Variants in ARHGAP28 observed in about 807,000 individuals in gnomAD.
ARHGAP28 encodes Rho GTPase activating protein 28, also known as rho GTPase-activating protein 28.
Under a neutral mutation model 90.7 loss-of-function variants are expected in ARHGAP28, and 56 were observed. The ratio of observed to expected loss-of-function variants is 0.62; its 90% CI spans 0.50 to 0.77. The LOEUF (loss-of-function observed/expected upper bound fraction) is 0.77. ARHGAP28 is among the 30% of genes least tolerant of loss of function. The pLI is 0.00. For synonymous variants in ARHGAP28, 308 were observed against 323.3 expected (o/e 0.95, Z 0.51); for missense variants, 869 against 900.9 (o/e 0.96, Z 0.45).
At chr18:6,866,031 G>A (rs538976747) in intron 5 of ARHGAP28, among the ~76,000 whole-genome samples, 56 of 152,230 alleles carry the variant, frequency 3.7e-4, no homozygotes, top group African/African-American at 1.1e-3. Flanking sequence ...GATGCTAGTC[G>A]TAATATAATC....
intron 4 of ARHGAP28, among the ~76,000 whole-genome samples, chr18:6,853,704 A>G (rs57140639): frequency 0.039 from 5,952 of 152,046 alleles, 296 homozygotes; most frequent in East Asian, 0.27. Flanking sequence ...CAAACTCCTG[A>G]CCTTAGGTGA....
intron 3 of ARHGAP28, among the ~76,000 whole-genome samples, chr18:6,849,798 C>T (rs2056895304): frequency 6.6e-6 from 1 of 152,112 alleles, no homozygotes. Context: ...TGTTGGAGAA[C>T]TGAATATCAT....
At chr18:6,802,210 A>G (rs575246887) in intron 1 of ARHGAP28, among the ~76,000 whole-genome samples, 1 of 152,294 alleles carries the variant, frequency 6.6e-6, no homozygotes, top group East Asian at 1.9e-4. Flanking sequence ...TTGTGCTACA[A>G]TAAACATGAA....
At chr18:6,897,874 A>T (rs978948565) in intron 16 of ARHGAP28, 3 of 150,330 alleles carry the variant, frequency 2.0e-5, no homozygotes, top group Non-Finnish European at 4.5e-5. Context: ...CTGACCCTCT[A>T]TAAAATTCTA....
chr18:6,741,422 TG>T (rs753169045), intron 1 of ARHGAP28, among the ~76,000 whole-genome samples: 109 of 152,200 alleles, frequency 7.2e-4, no homozygotes, highest in Non-Finnish European at 1.3e-3. Flanking sequence ...TTCCAGCTTC[TG>T]GAGGCATGGA....
intron 1 of ARHGAP28, among the ~76,000 whole-genome samples, chr18:6,811,917 A>T (rs2056559938): frequency 6.6e-6 from 1 of 152,194 alleles, no homozygotes; most frequent in South Asian, 2.1e-4. Flanking sequence ...CAACTATATG[A>T]TTCCAAAAGT....
intron 1 of ARHGAP28, among the ~76,000 whole-genome samples, chr18:6,821,053 A>G (rs574173585): frequency 5.4e-4 from 82 of 152,316 alleles, no homozygotes; most frequent in African/African-American, 1.9e-3. Flanking sequence ...AATAATAACT[A>G]TTGGGGGATG....
intron 1 of ARHGAP28, among the ~76,000 whole-genome samples, chr18:6,747,752 A>G (rs1048812263): frequency 2.6e-5 from 4 of 152,228 alleles, no homozygotes; most frequent in African/African-American, 4.8e-5. Context: ...GCTACTAATC[A>G]TAAACATATG....
At chr18:6,744,255 A>G (rs1600145206) in intron 1 of ARHGAP28, among the ~76,000 whole-genome samples, 1 of 152,136 alleles carries the variant, frequency 6.6e-6, no homozygotes, top group Admixed American at 6.5e-5. Context: ...GCAGCATGTA[A>G]CCACAGATGC....
chr18:6,756,295 C>A (rs1015761970), intron 1 of ARHGAP28, among the ~76,000 whole-genome samples: 1 of 152,082 alleles, frequency 6.6e-6, no homozygotes, highest in African/African-American at 2.4e-5. Flanking sequence ...GTCCTCTTTC[C>A]CTTCCCTCTC....
intron 16 of ARHGAP28, among the ~76,000 whole-genome samples, chr18:6,908,125 GTTTTA>G (rs55928161): frequency 4.1e-3 from 612 of 149,484 alleles, no homozygotes; most frequent in African/African-American, 9.9e-3. Context: ...ATTTTATTTT[GTTTTA>G]TTTTATTTTA....
At chr18:6,870,254 T>TTAATATCA (rs1475140983) in intron 6 of ARHGAP28, among the ~76,000 whole-genome samples, 2 of 152,222 alleles carry the variant, frequency 1.3e-5, no homozygotes, top group Non-Finnish European at 2.9e-5. Flanking sequence ...GAGCTTAATT[T>TTAATATCA]TAATATCATA....
intron 16 of ARHGAP28, chr18:6,898,739 A>C: frequency 7.7e-7 from 1 of 1,293,588 alleles, no homozygotes; most frequent in Non-Finnish European, 9.8e-7. Context: ...AGAGAGACTC[A>C]AATCTTTTAT....
intron 1 of ARHGAP28, among the ~76,000 whole-genome samples, chr18:6,759,333 T>G (rs190576911): frequency 6.1e-4 from 93 of 152,326 alleles, no homozygotes; most frequent in African/African-American, 1.9e-3. Flanking sequence ...AAATTCTGCT[T>G]TTCACTTAGA....
chr18:6,861,784 C>T (rs572631932), intron 5 of ARHGAP28, among the ~76,000 whole-genome samples: 27 of 152,134 alleles, frequency 1.8e-4, no homozygotes, highest in Non-Finnish European at 3.1e-4. Flanking sequence ...CGAATTTCTT[C>T]GCATCGTTGG....
At chr18:6,817,653 G>A (rs1465925972) in intron 1 of ARHGAP28, among the ~76,000 whole-genome samples, 1 of 152,168 alleles carries the variant, frequency 6.6e-6, no homozygotes, top group African/African-American at 2.4e-5. Flanking sequence ...TAATATCAAG[G>A]CCAATTGCTA....
At chr18:6,875,534 G>T (rs1567978718) in intron 9 of ARHGAP28, among the ~76,000 whole-genome samples, 1 of 152,180 alleles carries the variant, frequency 6.6e-6, no homozygotes, top group Non-Finnish European at 1.5e-5. Context: ...CTCCTTAGCA[G>T]TAGAATAGGG....
intron 1 of ARHGAP28, among the ~76,000 whole-genome samples, chr18:6,766,545 AC>A (rs2056201314): frequency 6.6e-6 from 1 of 152,058 alleles, no homozygotes; most frequent in Admixed American, 6.6e-5. Context: ...ACAGCGTGGT[AC>A]TAAACGGGGC....
At position 6,732,161 on chromosome 18, in the gene ARHGAP28, AT is replaced by A. The variant is rs796703521; in HGVS notation, c.122+2224del. Among the ~76,000 whole-genome samples the A allele has an allele frequency of 1.1e-3, 161 of 150,756 alleles. 2 individuals are homozygous for A. Among genetic ancestry groups the A allele is most frequent in the African/African-American group, 3.8e-3 (155 of 41,006 alleles). The stretch of plus-strand genomic sequence containing the variant: ...GAATATAGTATCTTTCTATTTGGTC[AT>A]TTTTTCCACTATTATATCCCTAGAG... On this transcript the variant is annotated intron_variant, in intron 1 of 17. Coordinates refer to ENST00000383472, the MANE Select transcript of ARHGAP28 (RefSeq NM_001366230.1).
Sources: gnomAD v4.1 joint callset for allele counts (sites outside exome capture counted in the v4.1 genomes callset) on GRCh38, gnomAD v4.1.1 for gene constraint, MANE v1.5 for transcripts, NCBI Gene and HGNC (gene_info 2026-07-23, HGNC 2026-07-21) for gene names.